The following CDH4 variants were observed in gnomAD, a reference collection of about 807,000 sequenced individuals.
CDH4 encodes the protein cadherin-4.
Under a neutral mutation model 86.0 loss-of-function variants are expected in CDH4, and 33 were observed. The ratio of observed to expected loss-of-function variants is 0.38; its 90% confidence interval spans 0.29 to 0.51. CDH4 has a LOEUF of 0.51. CDH4 is among the 20% of genes least tolerant of loss of function. The pLI is 0.86. For missense variants in CDH4, 1,114 were observed against 1,307.4 expected, an observed-to-expected ratio of 0.85 and a Z score of 2.28; for synonymous variants, 555 against 549.4, an observed-to-expected ratio of 1.01 and a Z score of -0.14.
rs868301866 is a variant in CDH4 at position 61,698,691 on chromosome 20, G to A, written c.170-44872G>A. ...GGGGCCAGAGTCTCAGCTGTGGGGC[G>A]TGCACTGTGGGGTGCTCAGCAGATC... On this transcript the variant is annotated intron_variant, in intron 2 of 15. Transcript: ENST00000614565. Among the ~76,000 whole-genome samples, 5 of 152,342 alleles carry A rather than the reference G, an allele frequency of 3.3e-5. No individual in the cohort carries two copies. The South Asian group carries it at 6.2e-4, about 19-fold the overall frequency.
intron 2 of CDH4, among the ~76,000 whole-genome samples, chr20:61,563,731 C>T (rs934223310): frequency 6.6e-6 from 1 of 152,204 alleles, no homozygotes; most frequent in Non-Finnish European, 1.5e-5. Context: ...ATTGGGAACA[C>T]AGGGACAGCT....
rs552687628 is a variant in CDH4, at chr20:61,610,590, G to A, written c.170-132973G>A. ...GGAGCCTCCGTGCTGTTCTGGAGGC[G>A]GTGGTCCTACCTCATGTTCCCTGCA... On this transcript the variant is annotated intron_variant, in intron 2 of 15. Coordinates refer to ENST00000614565, the MANE Select transcript of CDH4 (RefSeq NM_001794.5). Among the ~76,000 whole-genome samples the A allele has an allele frequency of 3.4e-3, 515 of 152,224 alleles. 2 individuals carry two copies. Among genetic ancestry groups the A allele is most frequent in the South Asian group, 0.016 (79 of 4,820 alleles).
At chr20:61,505,195 C>T (rs1306587832) in intron 2 of CDH4, among the ~76,000 whole-genome samples, 1 of 152,094 alleles carries the variant, frequency 6.6e-6, no homozygotes, top group Non-Finnish European at 1.5e-5. Flanking sequence ...CCGTTTACAG[C>T]AAAGTGATGG....
chr20:61,305,326 C>T (rs551458747), intron 2 of CDH4, among the ~76,000 whole-genome samples: 1 of 152,296 alleles, frequency 6.6e-6, no homozygotes, highest in African/African-American at 2.4e-5. Flanking sequence ...TCTTATGCAG[C>T]GACCTTACAG....
rs925814561 is a variant in CDH4, at chr20:61,623,030, T to A, written c.170-120533T>A. On this transcript the variant is annotated intron_variant, in intron 2 of 15. Transcript: ENST00000614565. The surrounding 1 kb of genome is among the most constrained non-coding windows in gnomAD (Gnocchi z 4.4). ...ACCAACATGGACCACAACCAGTCAT[T>A]TAAGACAGTCAGGGAAACAAACGGG... is the stretch of plus-strand genomic sequence containing the variant. Among the ~76,000 whole-genome samples, 1 of 152,154 alleles carries A rather than the reference T, an allele frequency of 6.6e-6. No individual in the cohort carries two copies. Among genetic ancestry groups the A allele is most frequent in the African/African-American group, 2.4e-5 (1 of 41,420 alleles).
intron 2 of CDH4, among the ~76,000 whole-genome samples, chr20:61,726,026 C>T (rs1160028157): frequency 3.3e-5 from 5 of 152,098 alleles, no homozygotes; most frequent in African/African-American, 7.2e-5. Flanking sequence ...ACATGGACAA[C>T]GTTCAGATAT....
chr20:61,766,109 C>A (rs2145976587), intron 3 of CDH4, among the ~76,000 whole-genome samples: 2 of 152,096 alleles, frequency 1.3e-5, no homozygotes, highest in Middle Eastern at 6.8e-3. Context: ...CCCTCCCTGG[C>A]AGGCCCCTCG....
intron 2 of CDH4, among the ~76,000 whole-genome samples, chr20:61,700,282 A>G (rs2087761150): frequency 6.6e-6 from 1 of 152,198 alleles, no homozygotes; most frequent in Non-Finnish European, 1.5e-5. Flanking sequence ...CTCAGCATCG[A>G]CAGGGAAGAC....
intron 3 of CDH4, among the ~76,000 whole-genome samples, chr20:61,769,520 G>A (rs529916739): frequency 4.6e-5 from 7 of 152,304 alleles, no homozygotes; most frequent in Non-Finnish European, 8.8e-5. Flanking sequence ...AAGGGGATTC[G>A]ACTTCACAAA....
At chr20:61,454,974 T>A (rs1047652362) in intron 2 of CDH4, among the ~76,000 whole-genome samples, 7 of 152,228 alleles carry the variant, frequency 4.6e-5, no homozygotes, top group Admixed American at 6.5e-5. Context: ...TTTATTGAGA[T>A]ATAATTCACA....
intron 2 of CDH4, among the ~76,000 whole-genome samples, chr20:61,492,906 G>A (rs957441603): frequency 6.6e-6 from 1 of 152,204 alleles, no homozygotes; most frequent in Non-Finnish European, 1.5e-5. Context: ...AGTTGAAGCA[G>A]CCATGAAAGA....
chr20:61,451,122 G>GC (rs11313145), intron 2 of CDH4, among the ~76,000 whole-genome samples: 5,313 of 100,368 alleles, frequency 0.053, 272 homozygotes, highest in African/African-American at 0.17. Flanking sequence ...TCCCTCTCAC[G>GC]CCCCCCCCCT....
intron 2 of CDH4, among the ~76,000 whole-genome samples, chr20:61,526,587 T>C (rs982439312): frequency 8.6e-5 from 13 of 151,506 alleles, no homozygotes; most frequent in African/African-American, 1.5e-4. Flanking sequence ...CATGCTGGTG[T>C]GCTGCACCCA....
chr20:61,895,905 C>T (rs1323719771), intron 8 of CDH4, among the ~76,000 whole-genome samples: 1 of 152,192 alleles, frequency 6.6e-6, no homozygotes, highest in Non-Finnish European at 1.5e-5. Context: ...GTGGCCCAGC[C>T]CCGGGAGCCC....
intron 3 of CDH4, among the ~76,000 whole-genome samples, chr20:61,771,557 GA>G (rs2088776032): frequency 6.7e-6 from 1 of 150,182 alleles, no homozygotes; most frequent in Non-Finnish European, 1.5e-5. Flanking sequence ...CCAGGAGGCA[GA>G]GGTTGCAGTG....
At chr20:61,702,977 C>T (rs2087792382) in intron 2 of CDH4, among the ~76,000 whole-genome samples, 1 of 152,318 alleles carries the variant, frequency 6.6e-6, no homozygotes, top group South Asian at 2.1e-4. Flanking sequence ...GCGTGCGGCC[C>T]TGAGGGTGTG....
chr20:61,590,123 G>A (rs563278995), intron 2 of CDH4, among the ~76,000 whole-genome samples: 49 of 150,400 alleles, frequency 3.3e-4, no homozygotes, highest in Admixed American at 5.3e-4. Flanking sequence ...GAGCTTAAAC[G>A]ATTGTGGTTC....
intron 2 of CDH4, among the ~76,000 whole-genome samples, chr20:61,661,724 C>T (rs191302679): frequency 6.6e-6 from 1 of 152,152 alleles, no homozygotes; most frequent in African/African-American, 2.4e-5. Context: ...GTCACAGCCA[C>T]CGCACACATT....
intron 2 of CDH4, among the ~76,000 whole-genome samples, chr20:61,688,339 T>C (rs531779760): frequency 1.3e-5 from 2 of 151,796 alleles, no homozygotes; most frequent in South Asian, 4.4e-4. Context: ...TCTCTCCCCA[T>C]TGTGTCCTCC....
Sources: gnomAD v4.1 joint callset for allele counts (sites outside exome capture counted in the v4.1 genomes callset) on GRCh38, gnomAD v4.1.1 for gene constraint, Gnocchi (gnomAD v3.1) non-coding constraint, MANE v1.5 for transcripts, NCBI Gene and HGNC (gene_info 2026-07-23, HGNC 2026-07-21) for gene names.